ASIC2: variants seen among roughly 807,000 people sequenced by gnomAD.
ASIC2 encodes the protein acid-sensing ion channel 2.
ASIC2 carries 25 observed loss-of-function variants against 57.3 expected under a neutral mutation model. The observed-to-expected ratio is 0.44, with a 90% confidence interval of 0.32 to 0.61. ASIC2 has a LOEUF of 0.61. ASIC2 is among the 20% of genes least tolerant of loss of function. The probability of loss-of-function intolerance (pLI) is 0.06; values close to 1 mark genes in which losing one functional copy is unlikely to be tolerated. For missense variants in ASIC2, 641 were observed against 738.1 expected, an observed-to-expected ratio of 0.87 and a Z score of 1.52; for synonymous variants, 319 against 307.5, an observed-to-expected ratio of 1.04 and a Z score of -0.39.
chr17:33,372,616 C>T (rs1238479424), intron 1 of ASIC2, among the ~76,000 whole-genome samples: 1 of 152,154 alleles, frequency 6.6e-6, no homozygotes, highest in East Asian at 1.9e-4. Context: ...CCTCTGGGCT[C>T]TGTAATGTTA....
intron 1 of ASIC2, among the ~76,000 whole-genome samples, chr17:33,175,918 T>C (rs1278320800): frequency 6.6e-6 from 1 of 152,198 alleles, no homozygotes; most frequent in Non-Finnish European, 1.5e-5. Context: ...CTCCCCACTG[T>C]TCTCTGTGAA....
intron 1 of ASIC2, chr17:34,039,935 C>G: frequency 7.2e-7 from 1 of 1,387,612 alleles, no homozygotes; most frequent in Non-Finnish European, 1.0e-6. Context: ...CGACCCGACC[C>G]GGCTGCGGAC....
chr17:34,074,506 C>CAA (rs1012483760), intron 1 of ASIC2, among the ~76,000 whole-genome samples: 14 of 152,086 alleles, frequency 9.2e-5, no homozygotes, highest in African/African-American at 3.4e-4. Context: ...TGTACTTTTC[C>CAA]AAAGACTGTC....
At chr17:33,178,328 T>G (rs1432289695) in intron 1 of ASIC2, among the ~76,000 whole-genome samples, 1 of 152,178 alleles carries the variant, frequency 6.6e-6, no homozygotes, top group Non-Finnish European at 1.5e-5. Context: ...AATCCCTGGT[T>G]TAGATAGAGA....
At chr17:33,970,762 G>T (rs532461370) in intron 1 of ASIC2, among the ~76,000 whole-genome samples, 8 of 152,318 alleles carry the variant, frequency 5.3e-5, no homozygotes, top group African/African-American at 1.9e-4. Context: ...GCAGGGAAAG[G>T]TGTCCAGGCT....
chr17:33,278,188 T>A (rs181303217), intron 1 of ASIC2, among the ~76,000 whole-genome samples: 12 of 149,238 alleles, frequency 8.0e-5, no homozygotes, highest in African/African-American at 2.5e-5. Flanking sequence ...CCCTATCAGA[T>A]GCCCTTATTC....
At chr17:33,453,256 C>T (rs1912328200) in intron 1 of ASIC2, among the ~76,000 whole-genome samples, 1 of 145,468 alleles carries the variant, frequency 6.9e-6, no homozygotes, top group Non-Finnish European at 1.5e-5. Context: ...TGGCTGGGGA[C>T]ACTCCTCTTC....
intron 1 of ASIC2, among the ~76,000 whole-genome samples, chr17:33,966,156 G>C (rs568131899): frequency 6.6e-6 from 1 of 152,340 alleles, no homozygotes; most frequent in African/African-American, 2.4e-5. Flanking sequence ...CTCCATCTGA[G>C]TACCTGTGCG....
chr17:33,730,396 T>C (rs753342575), intron 1 of ASIC2, among the ~76,000 whole-genome samples: 64 of 152,324 alleles, frequency 4.2e-4, no homozygotes, highest in Admixed American at 3.2e-3. Context: ...GGCGAGTTAC[T>C]GAGAAGTCAG....
intron 1 of ASIC2, among the ~76,000 whole-genome samples, chr17:33,673,471 G>C (rs1597830294): frequency 6.6e-6 from 1 of 152,152 alleles, no homozygotes; most frequent in African/African-American, 2.4e-5. Flanking sequence ...GAGCTGAAAG[G>C]CATCTGAAGA....
chr17:33,426,000 G>A (rs554149531), intron 1 of ASIC2, among the ~76,000 whole-genome samples: 1 of 152,246 alleles, frequency 6.6e-6, no homozygotes, highest in African/African-American at 2.4e-5. Flanking sequence ...AAGGGCAAGG[G>A]CTTTGACTTC....
rs568315769 is a variant in ASIC2, at chr17:33,790,344, G to A, written c.555+365634C>T. On this transcript the variant is annotated intron_variant, in intron 1 of 9. Coordinates refer to the ASIC2 transcript ENST00000359872. ...ATTTCTATTCACTCTCTAGAAAATT[G>A]TTATCACAAAATTGTTTTCCTATGA... Among the ~76,000 whole-genome samples, 11 of 152,186 alleles carry A rather than the reference G, an allele frequency of 7.2e-5. No homozygotes were observed. In the South Asian group the frequency reaches 1.9e-3, roughly 26 times the overall value.
intron 1 of ASIC2, chr17:34,118,349 T>C (rs1308588514): frequency 1.3e-5 from 2 of 152,124 alleles, no homozygotes; most frequent in East Asian, 3.9e-4. Flanking sequence ...TAGTAGCATG[T>C]TTTTTCTTTT....
chr17:33,789,053 A>T (rs751075113), intron 1 of ASIC2, among the ~76,000 whole-genome samples: 19 of 152,220 alleles, frequency 1.2e-4, no homozygotes, highest in Admixed American at 2.0e-4. Flanking sequence ...AAAGTGTGTA[A>T]CACCTTCCCA....
chr17:33,340,749 TGTGTGTGTTG>T (rs2142236519), intron 1 of ASIC2, among the ~76,000 whole-genome samples: 1 of 152,206 alleles, frequency 6.6e-6, no homozygotes, highest in South Asian at 2.1e-4. Flanking sequence ...TGTGTGTCTC[TGTGTGTGTTG>T]GGGCAGCAGA....
chr17:33,039,110 G>A (rs889046003), intron 3 of ASIC2, among the ~76,000 whole-genome samples: 9 of 152,212 alleles, frequency 5.9e-5, no homozygotes, highest in African/African-American at 2.2e-4. Context: ...GAGGAAAAAG[G>A]AGGGAGACAG....
At chr17:33,058,481 A>C (rs1051226048) in intron 3 of ASIC2, among the ~76,000 whole-genome samples, 1 of 151,658 alleles carries the variant, frequency 6.6e-6, no homozygotes, top group Non-Finnish European at 1.5e-5. Flanking sequence ...AAAAAAAAAA[A>C]AAAAAAAAAA....
At chr17:33,876,584 G>A (rs424040) in intron 1 of ASIC2, among the ~76,000 whole-genome samples, 41,355 of 152,002 alleles carry the variant, frequency 0.27, 5,821 homozygotes, top group Middle Eastern at 0.36. Flanking sequence ...TATAATTACT[G>A]TCCTCATTTT....
intron 1 of ASIC2, among the ~76,000 whole-genome samples, chr17:34,110,164 T>C (rs1414662438): frequency 6.6e-6 from 1 of 152,130 alleles, no homozygotes; most frequent in African/African-American, 2.4e-5. Flanking sequence ...AGAACAACCT[T>C]AAGGAGATGC....
Sources: gnomAD v4.1 joint callset for allele counts (sites outside exome capture counted in the v4.1 genomes callset) on GRCh38, gnomAD v4.1.1 for gene constraint, MANE v1.5 for transcripts, NCBI Gene and HGNC (gene_info 2026-07-23, HGNC 2026-07-21) for gene names.